The following WWOX variants were observed in gnomAD, a reference collection of about 807,000 sequenced individuals.
WWOX encodes WW domain-containing oxidoreductase.
A neutral mutation model predicts 46.2 loss-of-function variants in WWOX; 69 were observed. The observed-to-expected ratio is 1.49, with a 90% CI of 1.23 to 1.82. The LOEUF is 1.82. WWOX is among the 40% of genes most tolerant of loss of function. The pLI, the probability that WWOX is intolerant of heterozygous loss-of-function variation, is 0.00. For missense variants in WWOX, 919 were observed against 542.6 expected, an observed-to-expected ratio of 1.69 and a Z score of -6.89; for synonymous variants, 359 against 202.6, an observed-to-expected ratio of 1.77 and a Z score of -6.56.
chr16:78,672,473 C>T (rs947129884), intron 8 of WWOX, among the ~76,000 whole-genome samples: 1 of 152,186 alleles, frequency 6.6e-6, no homozygotes, highest in African/African-American at 2.4e-5. Context: ...GTTCCGGTTT[C>T]TGTGATCATT....
intron 8 of WWOX, among the ~76,000 whole-genome samples, chr16:78,945,140 T>C (rs190867754): frequency 3.3e-5 from 5 of 152,206 alleles, no homozygotes; most frequent in Non-Finnish European, 7.4e-5. Flanking sequence ...AGACCGCACC[T>C]CTGGAGTCCA....
chr16:78,420,709 T>G (rs1279540935), intron 6 of WWOX, among the ~76,000 whole-genome samples: 5 of 151,882 alleles, frequency 3.3e-5, no homozygotes, highest in Admixed American at 3.3e-4. Context: ...TAGTTATGGT[T>G]GTACAATTAT....
chr16:78,555,366 C>T (rs1450388446), intron 8 of WWOX, among the ~76,000 whole-genome samples: 8 of 152,036 alleles, frequency 5.3e-5, no homozygotes, highest in Admixed American at 5.2e-4. Flanking sequence ...GTACATTTGG[C>T]ACAGTTATTG....
chr16:78,417,749 T>C (rs1358826871), intron 6 of WWOX, among the ~76,000 whole-genome samples: 1 of 152,182 alleles, frequency 6.6e-6, no homozygotes, highest in Non-Finnish European at 1.5e-5. Flanking sequence ...GGCTCGGTGC[T>C]TCAAAGGATT....
At chr16:79,179,329 C>A (rs892759663) in intron 8 of WWOX, among the ~76,000 whole-genome samples, 12 of 152,098 alleles carry the variant, frequency 7.9e-5, no homozygotes, top group Admixed American at 7.9e-4. Context: ...TGAAACCAGC[C>A]ATGAGAGGTA....
intron 8 of WWOX, among the ~76,000 whole-genome samples, chr16:78,773,920 GT>G (rs1322943018): frequency 3.9e-5 from 6 of 152,184 alleles, no homozygotes; most frequent in Non-Finnish European, 8.8e-5. Flanking sequence ...ATTTAACACA[GT>G]TTTCCCAGGC....
intron 8 of WWOX, among the ~76,000 whole-genome samples, chr16:79,169,217 AT>A (rs902888005): frequency 5.1e-4 from 78 of 152,308 alleles, no homozygotes; most frequent in African/African-American, 1.7e-3. Flanking sequence ...AGACAGGGGC[AT>A]TTGGCTCCAG....
intron 5 of WWOX, among the ~76,000 whole-genome samples, chr16:78,334,702 A>T (rs1015431221): frequency 1.3e-5 from 2 of 152,048 alleles, no homozygotes; most frequent in Admixed American, 6.6e-5. Context: ...CATTGTTTTT[A>T]AATAGCTAAC....
At chr16:79,068,017 C>T (rs184113632) in intron 8 of WWOX, among the ~76,000 whole-genome samples, 62 of 152,286 alleles carry the variant, frequency 4.1e-4, no homozygotes, top group African/African-American at 1.4e-3. Flanking sequence ...TCTCATTGAT[C>T]TTCCTGCCTT....
intron 8 of WWOX, among the ~76,000 whole-genome samples, chr16:78,995,584 A>AAAGAAG (rs1360051733): frequency 1.3e-5 from 2 of 149,880 alleles, no homozygotes; most frequent in Non-Finnish European, 3.0e-5. Context: ...AGAAAAAGAA[A>AAAGAAG]AAGAAAGAGA....
chr16:78,739,295 A>G (rs1006571520), intron 8 of WWOX, among the ~76,000 whole-genome samples: 1 of 152,190 alleles, frequency 6.6e-6, no homozygotes, highest in Non-Finnish European at 1.5e-5. Context: ...TCAAAGCAAG[A>G]TGGTCATACT....
At chr16:79,096,477 G>GGTTATCCCA (rs1317004590) in intron 8 of WWOX, among the ~76,000 whole-genome samples, 4 of 152,006 alleles carry the variant, frequency 2.6e-5, no homozygotes, top group Non-Finnish European at 5.9e-5. Flanking sequence ...TGCCCCTCCT[G>GGTTATCCCA]GTTATCCCAC....
chr16:78,253,498 A>G lies in WWOX; in HGVS notation c.516+89209A>G, dbSNP rs536765649. On this transcript the variant is annotated intron_variant, in intron 5 of 8. Transcript: ENST00000566780. ...CAAGATCACTGGGTTAGTAAGTGGCAGAACTGGATGATGGAAGTCATCACT... is the reference window on the plus strand; with the variant it reads ...CAAGATCACTGGGTTAGTAAGTGGCGGAACTGGATGATGGAAGTCATCACT... 1.9e-3 allele frequency among the ~76,000 whole-genome samples: 288 copies of G among 152,342 alleles called. 1 individual carries two copies. The highest frequency in any genetic ancestry group is 6.6e-3 in the African/African-American group (274 of 41,584).
At chr16:78,336,093 A>G (rs868851531) in intron 5 of WWOX, among the ~76,000 whole-genome samples, 8 of 151,952 alleles carry the variant, frequency 5.3e-5, no homozygotes, top group South Asian at 2.1e-4. Flanking sequence ...GTCTGTCTCA[A>G]AAAACGAAAA....
At chr16:78,784,540 T>C (rs917547103) in intron 8 of WWOX, among the ~76,000 whole-genome samples, 22 of 152,238 alleles carry the variant, frequency 1.4e-4, no homozygotes, top group African/African-American at 4.8e-4. Context: ...CTCTCTGAGC[T>C]CAGTCTCCTC....
At chr16:78,763,195 T>C (rs1284043783) in intron 8 of WWOX, among the ~76,000 whole-genome samples, 2 of 152,232 alleles carry the variant, frequency 1.3e-5, no homozygotes, top group Non-Finnish European at 2.9e-5. Context: ...AGTTGGCGTA[T>C]GGCTTGATCT....
intron 8 of WWOX, among the ~76,000 whole-genome samples, chr16:78,713,783 A>G (rs950585156): frequency 6.6e-6 from 1 of 152,116 alleles, no homozygotes; most frequent in Non-Finnish European, 1.5e-5. Context: ...TGTTTAAGCC[A>G]CCTAGTCTGT....
chr16:78,989,476 C>T (rs1026331833), intron 8 of WWOX, among the ~76,000 whole-genome samples: 9 of 152,326 alleles, frequency 5.9e-5, no homozygotes, highest in African/African-American at 1.9e-4. Flanking sequence ...CTGGGGATCC[C>T]TGTCCATAGC....
intron 8 of WWOX, among the ~76,000 whole-genome samples, chr16:78,740,689 G>GTTAATGTGTTGTTATGGCT (rs1361936782): frequency 6.6e-6 from 1 of 152,116 alleles, no homozygotes; most frequent in African/African-American, 2.4e-5. Context: ...GCTGCCAGTT[G>GTTAATGTGTTGTTATGGCT]GCCGATTGAA....
Sources: allele counts gnomAD v4.1 joint callset (sites outside exome capture counted in the v4.1 genomes callset), GRCh38; gene constraint gnomAD v4.1.1; transcripts MANE v1.5; gene names NCBI Gene and HGNC (gene_info 2026-07-23, HGNC 2026-07-21).